TUBGCP6: variants seen among roughly 807,000 people sequenced by gnomAD.
TUBGCP6 encodes gamma-tubulin complex component 6.
In TUBGCP6, 161 loss-of-function variants were observed where a neutral mutation model predicts 175.8. The ratio of observed to expected loss-of-function variants is 0.92; its 90% CI spans 0.81 to 1.04. The LOEUF is 1.04. Among genes scored for constraint, TUBGCP6 ranks in the 50% least tolerant of loss-of-function variants. The pLI, the probability that TUBGCP6 is intolerant of heterozygous loss-of-function variation, is 0.00. For missense variants in TUBGCP6, 2,572 were observed against 2,433.0 expected, an observed-to-expected ratio of 1.06 and a Z score of -1.20; for synonymous variants, 1,173 against 1,030.5, an observed-to-expected ratio of 1.14 and a Z score of -2.65.
rs533330471 is a variant in TUBGCP6, at chr22:50,222,241, G to A, written c.2410-139C>T. On this transcript the variant is annotated intron_variant, in intron 14 of 24. Coordinates refer to ENST00000248846, the MANE Select transcript of TUBGCP6 (RefSeq NM_020461.4). ...GGCTTGTGCTGGGCTCCAGTGGGAC[G>A]CTGGGCCTGCAAAAAGTACTCCAAA... 19 of 1,153,682 alleles carry A rather than the reference G, an allele frequency of 1.6e-5. 1 individual carries two copies. The highest frequency in any genetic ancestry group is 3.1e-5 in the African/African-American group (2 of 65,210). The allele number at this position is 1,153,682 out of a possible 1,614,324, so 71.5% of individuals were successfully genotyped here.
At chr22:50,234,304 ATGG>A (rs2064734072) in intron 2 of TUBGCP6, among the ~76,000 whole-genome samples, 6 of 111,026 alleles carry the variant, frequency 5.4e-5, no homozygotes, top group African/African-American at 1.1e-4. Flanking sequence ...ACACCCACCC[ATGG>A]CAGCATCATC....
rs767462685 is a variant in TUBGCP6 at position 50,226,113 on chromosome 22, G to A, written c.1770C>T (p.His590=). 1.2e-6 allele frequency: 2 copies of A among 1,614,188 alleles called. No homozygotes were observed. Among genetic ancestry groups the A allele is most frequent in the African/African-American group, 1.3e-5 (1 of 75,044 alleles). The change falls in exon 9 of 25, where the codon CAC becomes CAT. Residue 590 remains histidine, a synonymous_variant. Coordinates refer to ENST00000248846, the MANE Select transcript of TUBGCP6 (RefSeq NM_020461.4). ...CGCAGACGTATATGTCGTGGGCAAT[G>A]TGCTTCAGAAACACGGGAACACAGT... The part of the protein sequence containing the change: ...VEDCVPVFLK[H]IAHDIYVCGK...
At chr22:50,240,095 C>G in intron 2 of TUBGCP6, 109 bp downstream of exon 2, 1 of 1,479,890 alleles carries the variant, frequency 6.8e-7, no homozygotes, top group East Asian at 2.4e-5. Context: ...ACTAACCCAT[C>G]ACAACTGCCT....
intron 3 of TUBGCP6, among the ~76,000 whole-genome samples, chr22:50,230,605 CAA>C (rs57598808): frequency 2.6e-5 from 3 of 117,598 alleles, no homozygotes; most frequent in Admixed American, 9.0e-5. Flanking sequence ...GACTCCGTCT[CAA>C]AAAAAAAAAA....
At chr22:50,231,085 A>T (rs1247264421) in intron 3 of TUBGCP6, among the ~76,000 whole-genome samples, 41 of 148,622 alleles carry the variant, frequency 2.8e-4, no homozygotes, top group African/African-American at 9.8e-4. Flanking sequence ...CTATCTCAAA[A>T]AAAAAAAAAA....
chr22:50,243,668 G>A lies in TUBGCP6; in HGVS notation c.741+51C>T. 2.9e-6 allele frequency: 4 copies of A among 1,401,154 alleles called. No individual in the cohort carries two copies. In the South Asian group the frequency reaches 4.1e-5, roughly 14 times the overall value. The allele number at this position is 1,401,154 out of a possible 1,614,324, so 86.8% of individuals were successfully genotyped here. On this transcript the variant is annotated intron_variant, in intron 1 of 24. Coordinates refer to ENST00000248846, the MANE Select transcript of TUBGCP6 (RefSeq NM_020461.4). ...AGAAGAAGAAGAAAGGTCACAGGAA[G>A]CATTTTCCAAACCCCGAGAGAGATG...
chr22:50,235,369 C>G (rs372905560), intron 2 of TUBGCP6, among the ~76,000 whole-genome samples: 10 of 152,292 alleles, frequency 6.6e-5, no homozygotes, highest in African/African-American at 2.4e-4. Context: ...CCACAACAGC[C>G]AGGGGGAGAG....
At chr22:50,236,985 C>T (rs958234057) in intron 2 of TUBGCP6, among the ~76,000 whole-genome samples, 3 of 152,204 alleles carry the variant, frequency 2.0e-5, no homozygotes, top group African/African-American at 7.2e-5. Flanking sequence ...AGACACAGCG[C>T]AGGATCCTGC....
chr22:50,238,984 C>T (rs890279765), intron 2 of TUBGCP6, among the ~76,000 whole-genome samples: 3 of 152,124 alleles, frequency 2.0e-5, no homozygotes, highest in East Asian at 1.9e-4. Flanking sequence ...CAGGAAAGCT[C>T]GCCCACCCGG....
At position 50,226,128 on chromosome 22, in the gene TUBGCP6, G is replaced by A. The variant is rs773232500; in HGVS notation, c.1755C>T (p.Pro585=). ...LISKEVEDCV[P]VFLKHIAHDI... ...CGTGGGCAATGTGCTTCAGAAACACGGGAACACAGTCCTCCACCTCTTTGG... is the reference window on the plus strand; with the variant it reads ...CGTGGGCAATGTGCTTCAGAAACACAGGAACACAGTCCTCCACCTCTTTGG... Residue 585 remains proline (P), a synonymous_variant, in exon 9 of 25, where the codon CCC becomes CCT. Coordinates refer to ENST00000248846, the MANE Select transcript of TUBGCP6 (RefSeq NM_020461.4). The A allele has an allele frequency of 6.4e-5, 103 of 1,614,040 alleles. No homozygotes were observed. Among genetic ancestry groups the A allele is most frequent in the South Asian group, 1.6e-4 (15 of 91,086 alleles).
chr22:50,219,748 G>A lies in TUBGCP6; in HGVS notation c.4211C>T (p.Ala1404Val), dbSNP rs777436458. ...CTGAGCCTCCGCCGCCGATGCCTCC[G>A]CCTCCTCACCACGGCCTGGGCTGCT... is the stretch of plus-strand genomic sequence containing the variant. The part of the protein sequence containing the change: ...AQSSPGRGEE[A>V]EASAAEAQGG... The change falls in exon 18 of 25, where the codon GCG becomes GTG. Residue 1404 changes from alanine (A) to valine (V), a missense_variant. By Grantham distance (64) the Ala-to-Val change is moderately conservative. Transcript: ENST00000248846. The A allele has an allele frequency of 2.5e-5, 41 of 1,613,610 alleles. No homozygotes were observed. The Middle Eastern group carries it at 8.2e-4, about 32-fold the overall frequency.
At chr22:50,239,123 G>C (rs1167566158) in intron 2 of TUBGCP6, among the ~76,000 whole-genome samples, 1 of 152,224 alleles carries the variant, frequency 6.6e-6, no homozygotes, top group Non-Finnish European at 1.5e-5. Context: ...CAGTGGACTG[G>C]ATGTGAACGG....
intron 3 of TUBGCP6, among the ~76,000 whole-genome samples, chr22:50,231,734 C>T (rs1417488337): frequency 1.3e-5 from 2 of 151,438 alleles, no homozygotes; most frequent in East Asian, 3.9e-4. Flanking sequence ...TGGCGGGTGC[C>T]TGTAGTCCCA....
At chr22:50,226,237 A>C (rs2064606656) in intron 8 of TUBGCP6, 48 bp from the exon 9 acceptor site, 1 of 1,613,880 alleles carries the variant, frequency 6.2e-7, no homozygotes, top group East Asian at 2.2e-5. Context: ...ATGGCCCTGA[A>C]CCCAGGCCCA....
intron 14 of TUBGCP6, 52 bp from the exon 15 acceptor site, chr22:50,222,154 C>G (rs1384759673): frequency 1.3e-6 from 2 of 1,572,728 alleles, no homozygotes; most frequent in African/African-American, 1.3e-5. Flanking sequence ...AAGCACAGCC[C>G]TACCCCACAC....
At chr22:50,225,059 G>T (rs919796593) in intron 10 of TUBGCP6, among the ~76,000 whole-genome samples, 1 of 104,382 alleles carries the variant, frequency 9.6e-6, no homozygotes, top group Non-Finnish European at 2.0e-5. Flanking sequence ...CCGCCCCCCC[G>T]CCCACCCTCC....
Position 50,220,416 on chromosome 22 carries a change from GCACAGTGCTCTGT to G in TUBGCP6, c.3930_3942del (p.Gln1311TrpfsTer9), listed in dbSNP as rs1375752200. ...ACAGGCAGCCGTGGCCCACAGTCCA[GCACAGTGCTCTGT>G]GCTCCCAGGCTGAGCGCTGACTGGG... On this transcript the variant is annotated frameshift_variant, in exon 16 of 25. Coordinates refer to ENST00000248846, the MANE Select transcript of TUBGCP6 (RefSeq NM_020461.4). LOFTEE classifies it high-confidence loss of function. 2 of 1,605,822 alleles carry G rather than the reference GCACAGTGCTCTGT, an allele frequency of 1.2e-6. No individual in the cohort carries two copies. Among genetic ancestry groups the G allele is most frequent in the Non-Finnish European group, 1.7e-6 (2 of 1,176,466 alleles).
chr22:50,222,303 G>C, intron 14 of TUBGCP6, 151 bp downstream of exon 14: 1 of 1,294,108 alleles, frequency 7.7e-7, no homozygotes. Flanking sequence ...TGTGCAATTT[G>C]GTGGCACACG....
intron 1 of TUBGCP6, among the ~76,000 whole-genome samples, chr22:50,243,378 G>T (rs2064864719): frequency 6.6e-6 from 1 of 151,454 alleles, no homozygotes; most frequent in Non-Finnish European, 1.5e-5. Flanking sequence ...ACTTGACCCC[G>T]GGAGGCGGCG....
Sources: allele counts gnomAD v4.1 joint callset (sites outside exome capture counted in the v4.1 genomes callset), GRCh38; gene constraint gnomAD v4.1.1; transcripts MANE v1.5; gene names NCBI Gene and HGNC (gene_info 2026-07-23, HGNC 2026-07-21).